Variants in RORA observed in about 807,000 individuals in gnomAD.
RORA encodes the protein nuclear receptor ROR-alpha.
In RORA, 7 loss-of-function variants were observed where a neutral mutation model predicts 69.5. That is an observed-to-expected ratio of 0.10 (90% CI 0.06 to 0.19). The LOEUF is 0.19. RORA is among the 10% of genes least tolerant of loss of function. RORA has a pLI of 1.00. For synonymous variants in RORA, 261 were observed against 240.8 expected, an observed-to-expected ratio of 1.08 and a Z score of -0.78; for missense variants, 457 against 663.0, an observed-to-expected ratio of 0.69 and a Z score of 3.41.
intron 1 of RORA, among the ~76,000 whole-genome samples, chr15:61,137,454 T>G (rs2079256418): frequency 6.6e-6 from 1 of 152,234 alleles, no homozygotes; most frequent in South Asian, 2.1e-4. Flanking sequence ...TCCTACAAAA[T>G]TAGTATAATG....
At chr15:60,975,402 T>G (rs1893847810) in intron 1 of RORA, among the ~76,000 whole-genome samples, 1 of 152,200 alleles carries the variant, frequency 6.6e-6, no homozygotes, top group Admixed American at 6.5e-5. Context: ...GTCCTGTCAC[T>G]GTCAAGGCAT....
intron 1 of RORA, among the ~76,000 whole-genome samples, chr15:60,988,036 G>A (rs1450442778): frequency 6.6e-6 from 1 of 152,206 alleles, no homozygotes; most frequent in African/African-American, 2.4e-5. Context: ...TGGCTGCCAA[G>A]ATGTTCTTAC....
intron 3 of RORA, among the ~76,000 whole-genome samples, chr15:60,515,632 G>A (rs147803191): frequency 1.8e-3 from 276 of 151,236 alleles, no homozygotes; most frequent in African/African-American, 6.0e-3. Flanking sequence ...GCTTTACTAC[G>A]TAGTATTTTC....
At chr15:61,030,193 T>C (rs752096685) in intron 1 of RORA, among the ~76,000 whole-genome samples, 5 of 152,128 alleles carry the variant, frequency 3.3e-5, no homozygotes, top group Non-Finnish European at 5.9e-5. Flanking sequence ...CAACTAGATG[T>C]AATAGGTGAT....
intron 2 of RORA, among the ~76,000 whole-genome samples, chr15:60,604,132 CAAAAAAAA>C (rs3053857): frequency 1.1e-5 from 1 of 91,978 alleles, no homozygotes; most frequent in Admixed American, 1.2e-4. Context: ...GACTCTGTCT[CAAAAAAAA>C]AAAAAAAAAA....
chr15:60,875,872 T>C (rs1014345334), intron 1 of RORA, among the ~76,000 whole-genome samples: 1 of 152,132 alleles, frequency 6.6e-6, no homozygotes, highest in Non-Finnish European at 1.5e-5. Context: ...GGTTAAACAT[T>C]TTGGCTTTTT....
At position 60,604,157 on chromosome 15, in the gene RORA, A is replaced by G. The variant is rs340031; in HGVS notation, c.197-72306T>C. Among the ~76,000 whole-genome samples the G allele has an allele frequency of 3.8e-3, 568 of 149,214 alleles. 5 individuals are homozygous for G. The highest frequency in any genetic ancestry group is 0.013 in the African/African-American group (534 of 40,672). ...CAAAAAAAAAAAAAAAAAAAAAAGC[A>G]CGAACATTAGAAAAATATGGCATTG... On this transcript the variant is annotated intron_variant, in intron 2 of 10. Coordinates refer to ENST00000335670, the MANE Select transcript of RORA (RefSeq NM_134261.3).
At chr15:60,550,162 A>T (rs2067191283) in intron 2 of RORA, among the ~76,000 whole-genome samples, 1 of 152,196 alleles carries the variant, frequency 6.6e-6, no homozygotes, top group African/African-American at 2.4e-5. Context: ...GTGATGGCAC[A>T]CGCCTATAAT....
In RORA at chr15:60,883,432, T is replaced by C. The variant is rs918354444; in HGVS notation, c.167-204746A>G. Among the ~76,000 whole-genome samples, 18 of 152,340 alleles carry C rather than the reference T, an allele frequency of 1.2e-4. No homozygotes were observed. In the East Asian group the frequency reaches 2.1e-3, roughly 18 times the overall value. On this transcript the variant is annotated intron_variant, in intron 1 of 10. Coordinates refer to ENST00000335670, the MANE Select transcript of RORA (RefSeq NM_134261.3). ...AAGTGTTTGTTTAACCCCAAATATA[T>C]GCAAATGATGGAATGGTATGCAGCT... is the stretch of plus-strand genomic sequence containing the variant.
At chr15:60,868,897 TC>T (rs1373034888) in intron 1 of RORA, among the ~76,000 whole-genome samples, 3 of 152,202 alleles carry the variant, frequency 2.0e-5, no homozygotes, top group Admixed American at 6.5e-5. Flanking sequence ...GCTGCTTTCT[TC>T]ACAGCTTTCC....
At chr15:60,509,200 T>C (rs1204982181) in intron 5 of RORA, among the ~76,000 whole-genome samples, 1 of 152,216 alleles carries the variant, frequency 6.6e-6, no homozygotes, top group African/African-American at 2.4e-5. Flanking sequence ...TTCATGATAC[T>C]CTTAGCTCCC....
intron 1 of RORA, among the ~76,000 whole-genome samples, chr15:61,036,713 CA>C (rs894928735): frequency 7.0e-6 from 1 of 142,392 alleles, no homozygotes; most frequent in Non-Finnish European, 1.6e-5. Flanking sequence ...AACAAAAATC[CA>C]AAAGACTTGA....
intron 8 of RORA, among the ~76,000 whole-genome samples, chr15:60,501,620 G>A (rs2065334263): frequency 1.3e-5 from 2 of 152,176 alleles, no homozygotes; most frequent in African/African-American, 2.4e-5. Flanking sequence ...TAACTGATAT[G>A]TTAAATTAAC....
Position 61,229,236 on chromosome 15 carries a change from A to T in RORA, c.-18T>A. On this transcript the variant is annotated 5_prime_UTR_variant, in exon 1 of 11. Transcript: ENST00000335670. The stretch of plus-strand genomic sequence containing the variant: ...GACTCCATGTTTTTTCCCAATGTAG[A>T]GATCGCTGGAGATGGCGAGCTCCGA... 1 of 1,269,046 alleles carries T rather than the reference A, an allele frequency of 7.9e-7. No individual in the cohort carries two copies. The highest frequency in any genetic ancestry group is 1.0e-6 in the Non-Finnish European group (1 of 988,124). 78.6% of individuals were successfully genotyped at this position (1,269,046 alleles called of 1,614,324 possible).
intron 1 of RORA, among the ~76,000 whole-genome samples, chr15:60,761,575 C>T (rs995024669): frequency 6.6e-6 from 1 of 152,100 alleles, no homozygotes; most frequent in Non-Finnish European, 1.5e-5. Context: ...AATGTTGCTT[C>T]TATTTTTGCA....
At chr15:61,004,382 T>G (rs1365631237) in intron 1 of RORA, among the ~76,000 whole-genome samples, 2 of 151,796 alleles carry the variant, frequency 1.3e-5, no homozygotes, top group African/African-American at 4.8e-5. Context: ...CTGAATGTTT[T>G]TTTTTTTTTT....
rs573322620 is a variant in RORA, at chr15:60,590,375, T to A, written c.197-58524A>T. On this transcript the variant is annotated intron_variant, in intron 2 of 10. Transcript: ENST00000335670. ...GCAAGGGACAGTATGGAACTTCACT[T>A]TGTAGAATTACAAAAGCAAAAGCCT... Among the ~76,000 whole-genome samples the A allele has an allele frequency of 2.4e-4, 37 of 152,338 alleles. 1 individual carries two copies. The South Asian group carries it at 7.7e-3, about 32-fold the overall frequency.
intron 1 of RORA, among the ~76,000 whole-genome samples, chr15:61,175,541 T>TAAAAAAAAA (rs75174095): frequency 8.3e-6 from 1 of 120,214 alleles, no homozygotes; most frequent in Non-Finnish European, 1.7e-5. Flanking sequence ...ATCCTGTTTC[T>TAAAAAAAAA]AAAAAAAAAA....
At chr15:61,012,858 C>G (rs1031160507) in intron 1 of RORA, among the ~76,000 whole-genome samples, 1 of 152,182 alleles carries the variant, frequency 6.6e-6, no homozygotes, top group African/African-American at 2.4e-5. Flanking sequence ...CCATGTTGCC[C>G]AGGCTGGTCT....
Sources: allele counts gnomAD v4.1 joint callset (sites outside exome capture counted in the v4.1 genomes callset), GRCh38; gene constraint gnomAD v4.1.1; transcripts MANE v1.5; gene names NCBI Gene and HGNC (gene_info 2026-07-23, HGNC 2026-07-21).